NIBAN2: variants seen among roughly 807,000 people sequenced by gnomAD.
NIBAN2 encodes protein Niban 2.
Under a neutral mutation model 81.8 loss-of-function variants are expected in NIBAN2, and 36 were observed. That is an observed-to-expected ratio of 0.44 (90% CI 0.34 to 0.58). The LOEUF is 0.58. Ranked by LOEUF, NIBAN2 falls within the 20% of genes least tolerant of loss-of-function variation. The probability of loss-of-function intolerance (pLI) is 0.02; values close to 1 mark genes in which losing one functional copy is unlikely to be tolerated. For missense variants in NIBAN2, 897 were observed against 1,014.1 expected, an observed-to-expected ratio of 0.88 and a Z score of 1.57; for synonymous variants, 445 against 441.6, an observed-to-expected ratio of 1.01 and a Z score of -0.10.
At chr9:127,543,076 C>T (rs1837410354) in intron 1 of NIBAN2, among the ~76,000 whole-genome samples, 1 of 152,228 alleles carries the variant, frequency 6.6e-6, no homozygotes, top group Admixed American at 6.5e-5. Context: ...GACAGCATCC[C>T]TCAGCACGCC....
rs774772769 is a variant in NIBAN2 at position 127,510,323 on chromosome 9, G to GC, written c.983_984insG (p.Lys330GlnfsTer31). On this transcript the variant is annotated frameshift_variant, in exon 9 of 14. Coordinates refer to ENST00000373312, the MANE Select transcript of NIBAN2 (RefSeq NM_022833.4). LOFTEE classifies it high-confidence loss of function. ...TCCGCACGCACACCTCTGCCTTGGG[G>GC]AGGATGAAGGCTGTGCCCCGAGGGA... 1.2e-6 allele frequency: 2 copies of GC among 1,606,274 alleles called. No homozygotes were observed. Among genetic ancestry groups the GC allele is most frequent in the Non-Finnish European group, 1.7e-6 (2 of 1,174,162 alleles).
chr9:127,509,171 C>T, intron 9 of NIBAN2, 40 bp from the exon 10 acceptor site: 1 of 1,566,882 alleles, frequency 6.4e-7, no homozygotes, highest in South Asian at 1.1e-5. Flanking sequence ...CAGGGCCGCC[C>T]TGTGGCCAGG....
chr9:127,520,052 TTC>T (rs1343554629), intron 5 of NIBAN2, among the ~76,000 whole-genome samples: 1 of 152,052 alleles, frequency 6.6e-6, no homozygotes, highest in Non-Finnish European at 1.5e-5. Context: ...ACCCTTGGGA[TTC>T]TCTCTTTCTG....
At chr9:127,552,848 C>T (rs564807166) in intron 1 of NIBAN2, among the ~76,000 whole-genome samples, 2 of 152,070 alleles carry the variant, frequency 1.3e-5, no homozygotes, top group African/African-American at 2.4e-5. Context: ...ACCACCACCA[C>T]GCCTGGCTAA....
intron 2 of NIBAN2, among the ~76,000 whole-genome samples, chr9:127,527,905 G>A (rs879663090): frequency 1.3e-5 from 2 of 152,152 alleles, no homozygotes; most frequent in Admixed American, 1.3e-4. Flanking sequence ...AAGGAGTAGG[G>A]GGAATGGAGG....
At chr9:127,565,405 A>C (rs1837840963) in intron 1 of NIBAN2, among the ~76,000 whole-genome samples, 1 of 152,206 alleles carries the variant, frequency 6.6e-6, no homozygotes, top group African/African-American at 2.4e-5. Flanking sequence ...TGATGGTGGC[A>C]ATGGTTGCGC....
rs192587792 is a variant in NIBAN2 at position 127,565,988 on chromosome 9, A to C, written c.55+2832T>G. Among the ~76,000 whole-genome samples, 635 of 148,526 alleles carry C rather than the reference A, an allele frequency of 4.3e-3. 1 individual carries two copies. Among genetic ancestry groups the C allele is most frequent in the African/African-American group, 0.015 (583 of 40,030 alleles). On this transcript the variant is annotated intron_variant, in intron 1 of 13. Transcript: ENST00000373312. ...CACACACACACACACACAAATTAGC[A>C]CGGCATGGTGGCGCATGCCTGTAGT...
At chr9:127,548,228 G>A (rs1837509797) in intron 1 of NIBAN2, among the ~76,000 whole-genome samples, 1 of 152,178 alleles carries the variant, frequency 6.6e-6, no homozygotes, top group East Asian at 1.9e-4. Flanking sequence ...AATTCATCAG[G>A]AAGGAGAAGT....
intron 2 of NIBAN2, among the ~76,000 whole-genome samples, chr9:127,529,700 C>T (rs573247006): frequency 2.4e-4 from 35 of 148,820 alleles, no homozygotes; most frequent in African/African-American, 7.5e-4. Flanking sequence ...TGTATTATTA[C>T]GTTATCATTA....
At chr9:127,531,826 T>TG (rs1181530252) in intron 1 of NIBAN2, 48 bp from the exon 2 acceptor site, 6 of 1,610,544 alleles carry the variant, frequency 3.7e-6, no homozygotes, top group Non-Finnish European at 5.1e-6. Context: ...GGGATGCTGA[T>TG]GCATCACGAT....
At chr9:127,568,763 C>G in intron 1 of NIBAN2, 57 bp downstream of exon 1, 1 of 1,228,636 alleles carries the variant, frequency 8.1e-7, no homozygotes, top group Non-Finnish European at 1.0e-6. Context: ...GGGGCGGGGG[C>G]GTGGTCCGGG....
At position 127,507,780 on chromosome 9, in the gene NIBAN2, T is replaced by C; in HGVS notation, c.1654+87A>G. 2 of 1,241,566 alleles carry C rather than the reference T, an allele frequency of 1.6e-6. No individual in the cohort carries two copies. The highest frequency in any genetic ancestry group is 4.6e-5 in the East Asian group (2 of 43,136). The allele number at this position is 1,241,566 out of a possible 1,614,324, so 76.9% of individuals were successfully genotyped here. The stretch of plus-strand genomic sequence containing the variant: ...GCAAGTCTGGGCTTTTCTTTGAGCC[T>C]TAGCTGACCCCCTCAGCTGCCACCA... On this transcript the variant is annotated intron_variant, in intron 13 of 13. Transcript: ENST00000373312. This position sits in a 1 kb window ranked among gnomAD's most constrained non-coding sequence, Gnocchi z 6.8.
intron 1 of NIBAN2, among the ~76,000 whole-genome samples, chr9:127,547,984 G>A (rs371155339): frequency 9.9e-5 from 15 of 152,188 alleles, no homozygotes; most frequent in African/African-American, 2.7e-4. Flanking sequence ...GGAACCTCTC[G>A]AAGGAGCTCC....
rs145694342 is a variant in NIBAN2 at position 127,561,808 on chromosome 9, A to G, written c.55+7012T>C. Among the ~76,000 whole-genome samples the G allele has an allele frequency of 8.1e-3, 1,231 of 152,344 alleles. 18 individuals are homozygous for G. Among genetic ancestry groups the G allele is most frequent in the African/African-American group, 0.028 (1,159 of 41,572 alleles). ...ACCCTTCCATGACTCAGGCCCTAAG[A>G]TTCTACCAGGAGAAGAGAATGGCTT... On this transcript the variant is annotated intron_variant, in intron 1 of 13. Coordinates refer to ENST00000373312, the MANE Select transcript of NIBAN2 (RefSeq NM_022833.4).
rs1281905382 is a variant in NIBAN2, at chr9:127,508,612, C to G, written c.1318-74G>C. The G allele has an allele frequency of 2.4e-6, 3 of 1,269,136 alleles. No homozygotes were observed. The highest frequency in any genetic ancestry group is 3.4e-6 in the Non-Finnish European group (3 of 873,836). 78.6% of individuals were successfully genotyped at this position (1,269,136 alleles called of 1,614,324 possible). On this transcript the variant is annotated intron_variant, in intron 10 of 13. Coordinates refer to ENST00000373312, the MANE Select transcript of NIBAN2 (RefSeq NM_022833.4). This position sits in a 1 kb window ranked among gnomAD's most constrained non-coding sequence, Gnocchi z 6.4. Reference sequence around the variant, plus strand: ...CCTTCCTGGGTGCCGCTGAGGGGTCCTCATCCTCAACCAGCCCCCCACCCC... The same window carrying G: ...CCTTCCTGGGTGCCGCTGAGGGGTCGTCATCCTCAACCAGCCCCCCACCCC...
At position 127,507,162 on chromosome 9, in the gene NIBAN2, G is replaced by A. The variant is rs767977239; in HGVS notation, c.1924C>T (p.Pro642Ser). 6.2e-7 allele frequency: 1 copy of A among 1,611,188 alleles called. No homozygotes were observed. The highest frequency in any genetic ancestry group is 8.5e-7 in the Non-Finnish European group (1 of 1,179,276). The change falls in exon 14 of 14, where the codon CCA (proline) becomes TCA (serine). Residue 642 changes from proline (P) to serine (S), a missense_variant. Physicochemically the swap from Pro to Ser is moderately conservative, Grantham distance 74 (BLOSUM62 -1). Around this residue, in one of 3 missense-constraint regions of NIBAN2, gnomAD observed 619 missense variants for 691.0 expected, o/e 0.90. Transcript: ENST00000373312. This position sits in a 1 kb window ranked among gnomAD's most constrained non-coding sequence, Gnocchi z 6.8. The stretch of plus-strand genomic sequence containing the variant: ...ACACCGTCCGGGGACGCAGGTGGTG[G>A]TGACTCAGGGCTAGCCTCAAAGGGC... ...GLPFEASPES[P>S]PPASPDGVTE... is the part of the protein sequence containing the mutation.
chr9:127,510,164 G>C lies in NIBAN2; in HGVS notation c.1143C>G (p.Gly381=). 6.2e-7 allele frequency: 1 copy of C among 1,612,584 alleles called. No individual in the cohort carries two copies. The highest frequency in any genetic ancestry group is 8.5e-7 in the Non-Finnish European group (1 of 1,178,940). The change falls in exon 9 of 14, where the codon GGC becomes GGG. Residue 381 remains glycine, a synonymous_variant. Transcript: ENST00000373312. The part of the protein sequence containing the change: ...DMNLNVINEG[G]IDKLGEYMEK... ...GCCTCACCTCGCCCAGCTTGTCAAT[G>C]CCGCCCTCGTTGATGACGTTCAGGT... is the stretch of plus-strand genomic sequence containing the variant.
At position 127,507,136 on chromosome 9, in the gene NIBAN2, G is replaced by A. The variant is rs781346009; in HGVS notation, c.1950C>T (p.Val650=). 1.2e-6 allele frequency: 2 copies of A among 1,601,346 alleles called. No individual in the cohort carries two copies. Among genetic ancestry groups the A allele is most frequent in the Non-Finnish European group, 1.7e-6 (2 of 1,174,478 alleles). ...ESPPPASPDG[V]TEIRGLLAQG... ...GGGCCAGCAGGCCTCGGATCTCAGTGACACCGTCCGGGGACGCAGGTGGTG... is the reference window on the plus strand; with the variant it reads ...GGGCCAGCAGGCCTCGGATCTCAGTAACACCGTCCGGGGACGCAGGTGGTG... Residue 650 remains valine, a synonymous_variant, in exon 14 of 14, where the codon GTC becomes GTT. Coordinates refer to ENST00000373312, the MANE Select transcript of NIBAN2 (RefSeq NM_022833.4). This position sits in a 1 kb window ranked among gnomAD's most constrained non-coding sequence, Gnocchi z 6.8.
At chr9:127,560,967 G>A (rs1186863761) in intron 1 of NIBAN2, among the ~76,000 whole-genome samples, 1 of 152,194 alleles carries the variant, frequency 6.6e-6, no homozygotes, top group African/African-American at 2.4e-5. Context: ...GAGAGGCATG[G>A]CCATTGGGTC....
Sources: allele counts gnomAD v4.1 joint callset (sites outside exome capture counted in the v4.1 genomes callset), GRCh38; gene constraint gnomAD v4.1.1; regional missense constraint gnomAD v4.1.1; non-coding constraint Gnocchi (gnomAD v3.1); transcripts MANE v1.5; gene names NCBI Gene and HGNC (gene_info 2026-07-23, HGNC 2026-07-21).